MYCBP2: variants seen among roughly 807,000 people sequenced by gnomAD.
MYCBP2 encodes E3 ubiquitin-protein ligase MYCBP2.
In MYCBP2, 120 loss-of-function variants were observed where a neutral mutation model predicts 525.3. The observed-to-expected ratio is 0.23, with a 90% confidence interval of 0.20 to 0.27. The LOEUF (loss-of-function observed/expected upper bound fraction) is 0.27, where lower values mean the gene tolerates loss of function less well. Ranked by LOEUF, MYCBP2 falls within the 10% of genes least tolerant of loss-of-function variation. The pLI, the probability that MYCBP2 is intolerant of heterozygous loss-of-function variation, is 1.00. For missense variants in MYCBP2, 4,149 were observed against 5,657.1 expected, an observed-to-expected ratio of 0.73 and a Z score of 8.55; for synonymous variants, 1,894 against 1,955.8, an observed-to-expected ratio of 0.97 and a Z score of 0.83.
chr13:77,078,096 G>A (rs893862097), intron 66 of MYCBP2: 1 of 151,898 alleles, frequency 6.6e-6, no homozygotes, highest in African/African-American at 2.4e-5. Context: ...AATTAATAAT[G>A]TCAATTTTCA....
intron 41 of MYCBP2, 141 bp from the exon 42 acceptor site, chr13:77,165,532 C>G: frequency 1.7e-6 from 1 of 600,594 alleles, no homozygotes; most frequent in Non-Finnish European, 2.8e-6. Context: ...AATAGACTTG[C>G]GGCGGGGAGC....
intron 55 of MYCBP2, among the ~76,000 whole-genome samples, chr13:77,115,524 C>T (rs985210185): frequency 6.6e-6 from 1 of 151,460 alleles, no homozygotes; most frequent in Non-Finnish European, 1.5e-5. Context: ...ATAATTTCTA[C>T]GTATATAAAA....
chr13:77,190,405 G>T, intron 28 of MYCBP2, 70 bp from the exon 29 acceptor site: 2 of 916,254 alleles, frequency 2.2e-6, no homozygotes, highest in Non-Finnish European at 1.7e-6. Context: ...TAAGAAACAT[G>T]TTTTCAAATC....
chr13:77,205,719 T>C, intron 24 of MYCBP2, 121 bp from the exon 25 acceptor site: 9 of 778,546 alleles, frequency 1.2e-5, no homozygotes, highest in Non-Finnish European at 1.7e-5. Flanking sequence ...ACTCCAAGCT[T>C]TAAACATCAT....
In MYCBP2 at chr13:77,097,752, C is replaced by T. The variant is rs758918904; in HGVS notation, c.9402G>A (p.Glu3134=). ...LKEPPLHEKC[E]DGKTETTFEM... is the part of the protein sequence containing the mutation. ...CAAAAGTGGTCTCGGTTTTCCCATC[C>T]TCACATTTTTCATGCAGAGGTGGTT... Residue 3134 remains glutamate, a synonymous_variant, in exon 56 of 83, where the codon GAG becomes GAA. Transcript: ENST00000544440. 6 of 1,613,472 alleles carry T rather than the reference C, an allele frequency of 3.7e-6. No individual in the cohort carries two copies. Among genetic ancestry groups the T allele is most frequent in the African/African-American group, 1.3e-5 (1 of 74,866 alleles).
intron 55 of MYCBP2, chr13:77,109,998 A>G (rs980922825): frequency 5.9e-5 from 9 of 152,180 alleles, no homozygotes; most frequent in Admixed American, 5.2e-4. Flanking sequence ...ATTATTGTAC[A>G]AATTGATTGT....
At chr13:77,268,087 C>A in intron 7 of MYCBP2, 150 bp from the exon 8 acceptor site, 1 of 585,464 alleles carries the variant, frequency 1.7e-6, no homozygotes. Flanking sequence ...AATATAAGAA[C>A]ATTCCTCTCA....
At chr13:77,094,138 T>C (rs1233528760) in intron 58 of MYCBP2, among the ~76,000 whole-genome samples, 1 of 152,192 alleles carries the variant, frequency 6.6e-6, no homozygotes, top group Non-Finnish European at 1.5e-5. Context: ...AAGCACAAAA[T>C]TTTAAAAACC....
At chr13:77,211,413 G>C in intron 22 of MYCBP2, 93 bp from the exon 23 acceptor site, 4 of 612,436 alleles carry the variant, frequency 6.5e-6, no homozygotes, top group Non-Finnish European at 9.0e-6. Flanking sequence ...CATTTCTCAG[G>C]TGAATAAGCA....
chr13:77,228,721 G>A (rs1282382435), intron 18 of MYCBP2, among the ~76,000 whole-genome samples: 1 of 151,614 alleles, frequency 6.6e-6, no homozygotes, highest in African/African-American at 2.4e-5. Context: ...GTGTGTGTGT[G>A]TGTGTGTATA....
In MYCBP2 at chr13:77,058,078, G is replaced by C. The variant is rs1472642134; in HGVS notation, c.13329+140C>G. The C allele has an allele frequency of 2.4e-6, 2 of 829,962 alleles. No homozygotes were observed. Among genetic ancestry groups the C allele is most frequent in the African/African-American group, 3.5e-5 (2 of 57,612 alleles). 51.4% of individuals were successfully genotyped at this position (829,962 alleles called of 1,614,324 possible). On this transcript the variant is annotated intron_variant, in intron 78 of 82. Coordinates refer to ENST00000544440, the MANE Select transcript of MYCBP2 (RefSeq NM_015057.5). This position sits in a 1 kb window ranked among gnomAD's most constrained non-coding sequence, Gnocchi z 4.1. ...GATGGTCTCGATCTCCTGACCTCGT[G>C]ATCCACCTGCCTCGGCCTCCCAAAG...
chr13:77,052,979 A>C (rs180699002), intron 80 of MYCBP2, among the ~76,000 whole-genome samples: 1 of 151,916 alleles, frequency 6.6e-6, no homozygotes, highest in African/African-American at 2.4e-5. Flanking sequence ...AATACAAACA[A>C]ACACAGAAAT....
chr13:77,158,730 G>A (rs2057511320), intron 44 of MYCBP2, among the ~76,000 whole-genome samples: 1 of 152,104 alleles, frequency 6.6e-6, no homozygotes, highest in African/African-American at 2.4e-5. Flanking sequence ...TTATAAGCCT[G>A]AGCCACTGCA....
chr13:77,073,541 GCAATAACA>G (rs779808319), intron 68 of MYCBP2, among the ~76,000 whole-genome samples: 1 of 151,998 alleles, frequency 6.6e-6, no homozygotes, highest in Non-Finnish European at 1.5e-5. Flanking sequence ...CTTAATCAAT[GCAATAACA>G]CAATAATATA....
rs1355492375 is a variant in MYCBP2 at position 77,083,091 on chromosome 13, G to A, written c.10977C>T (p.Thr3659=). The A allele has an allele frequency of 6.2e-7, 1 of 1,613,568 alleles. No homozygotes were observed. Among genetic ancestry groups the A allele is most frequent in the Non-Finnish European group, 8.5e-7 (1 of 1,179,668 alleles). Residue 3659 remains threonine, a synonymous_variant, in exon 63 of 83, where the codon ACC becomes ACT. Transcript: ENST00000544440. ...LPHTFHRLLQ[T]ISDLMMSLPS... is the part of the protein sequence containing the mutation. ...GGAGAGACATCATAAGGTCTGAGAT[G>A]GTCTGCAGCAAGCGGTGAAAGGTGT...
At chr13:77,209,910 A>G (rs2063772162) in intron 23 of MYCBP2, among the ~76,000 whole-genome samples, 1 of 152,204 alleles carries the variant, frequency 6.6e-6, no homozygotes, top group African/African-American at 2.4e-5. Context: ...CATCTATCCC[A>G]TTGCTACCAC....
At chr13:77,256,050 G>A (rs1049986116) in intron 14 of MYCBP2, among the ~76,000 whole-genome samples, 3 of 151,936 alleles carry the variant, frequency 2.0e-5, no homozygotes, top group Non-Finnish European at 2.9e-5. Context: ...AGCAAACAGG[G>A]CAATCAAAGG....
chr13:77,324,519 T>C (rs996449564), intron 1 of MYCBP2, among the ~76,000 whole-genome samples: 1 of 152,250 alleles, frequency 6.6e-6, no homozygotes, highest in Non-Finnish European at 1.5e-5. Context: ...CAGGCTACTT[T>C]TTGTAATAAA....
At position 77,273,549 on chromosome 13, in the gene MYCBP2, C is replaced by T; in HGVS notation, c.868G>A (p.Gly290Arg). 6.2e-7 allele frequency: 1 copy of T among 1,613,634 alleles called. No homozygotes were observed. The highest frequency in any genetic ancestry group is 8.5e-7 in the Non-Finnish European group (1 of 1,179,840). Residue 290 changes from glycine to arginine, a missense_variant, in exon 5 of 83, where the codon GGA becomes AGA. By Grantham distance (125) the Gly-to-Arg change is moderately radical (BLOSUM62 -2). This residue lies in a region of MYCBP2 where 413 missense variants were observed against 451.2 expected (regional missense o/e 0.92). Coordinates refer to ENST00000544440, the MANE Select transcript of MYCBP2 (RefSeq NM_015057.5). ...GCCTGAAGTGTCCTTCCTGTTTCTCCCCAAGAAGCCACCAGACTAAAGAGG... is the reference window on the plus strand; with the variant it reads ...GCCTGAAGTGTCCTTCCTGTTTCTCTCCAAGAAGCCACCAGACTAAAGAGG... ...ACLFSLVASW[G>R]ETGRTLQAIS... is the part of the protein sequence containing the mutation.
Sources: gnomAD v4.1 joint callset for allele counts (sites outside exome capture counted in the v4.1 genomes callset) on GRCh38, gnomAD v4.1.1 for gene constraint, gnomAD v4.1.1 regional missense constraint, Gnocchi (gnomAD v3.1) non-coding constraint, MANE v1.5 for transcripts, NCBI Gene and HGNC (gene_info 2026-07-23, HGNC 2026-07-21) for gene names.